The following CFTR variants were observed in gnomAD, a reference collection of about 807,000 sequenced individuals.
CFTR encodes cystic fibrosis transmembrane conductance regulator.
Under a neutral mutation model 171.6 loss-of-function variants are expected in CFTR, and 181 were observed. The observed-to-expected ratio is 1.05, with a 90% CI of 0.93 to 1.19. The LOEUF is 1.19. CFTR is among the 50% of genes most tolerant of loss of function. The pLI is 0.00. For missense variants in CFTR, 1,968 were observed against 1,734.7 expected (o/e 1.13, Z -2.39); for synonymous variants, 583 against 608.0 (o/e 0.96, Z 0.60).
At position 117,590,436 on chromosome 7, in the gene CFTR, A is replaced by C. The variant is rs397508297; in HGVS notation, c.1763A>C (p.Glu588Ala). The C allele has an allele frequency of 6.2e-7, 1 of 1,600,896 alleles. No homozygotes were observed. Among genetic ancestry groups the C allele is most frequent in the South Asian group, 1.1e-5 (1 of 90,860 alleles). ...GTTTTAACAGAAAAAGAAATATTTG[A>C]AAGGTATGTTCTTTGAATACCTTAC... ...LDVLTEKEIF[E>A]SCVCKLMANK... The change falls in exon 13 of 27, where the codon GAA (glutamate) becomes GCA (alanine). Residue 588 changes from glutamate to alanine, a missense_variant. By Grantham distance (107) the Glu-to-Ala change is moderately radical. Coordinates refer to ENST00000003084, the MANE Select transcript of CFTR (RefSeq NM_000492.4).
intron 1 of CFTR, among the ~76,000 whole-genome samples, chr7:117,495,300 G>A (rs1432300178): frequency 1.3e-5 from 2 of 152,100 alleles, no homozygotes; most frequent in Non-Finnish European, 2.9e-5. Context: ...CAAAATCCTG[G>A]AAAGGCACTC....
intron 11 of CFTR, among the ~76,000 whole-genome samples, chr7:117,575,926 G>A (rs1221826440): frequency 6.6e-6 from 1 of 151,932 alleles, no homozygotes; most frequent in Non-Finnish European, 1.5e-5. Context: ...AAATTTTTAT[G>A]TAGTCACTTT....
intron 11 of CFTR, among the ~76,000 whole-genome samples, chr7:117,584,494 T>G (rs1188427087): frequency 6.6e-6 from 1 of 152,194 alleles, no homozygotes; most frequent in Non-Finnish European, 1.5e-5. Flanking sequence ...GTATTTGGCT[T>G]TATTTCTGGG....
intron 3 of CFTR, among the ~76,000 whole-genome samples, chr7:117,523,157 G>C (rs997167055): frequency 1.3e-5 from 2 of 152,084 alleles, no homozygotes; most frequent in African/African-American, 4.8e-5. Flanking sequence ...GTTGAGGAAA[G>C]ATGACAACAA....
Position 117,610,572 on chromosome 7 carries a change from C to T in CFTR, c.3042C>T (p.Tyr1014=). ...AIAVVAVLQP[Y]IFVATVPVIV... ...CAGTTGTCGCAGTTTTACAACCCTA[C>T]ATCTTTGTTGCAACAGTGCCAGTGA... The change falls in exon 19 of 27, where the codon TAC becomes TAT. Residue 1014 remains tyrosine (Y), a synonymous_variant. Coordinates refer to ENST00000003084, the MANE Select transcript of CFTR (RefSeq NM_000492.4). 1 of 1,613,440 alleles carries T rather than the reference C, an allele frequency of 6.2e-7. No homozygotes were observed. The highest frequency in any genetic ancestry group is 8.5e-7 in the Non-Finnish European group (1 of 1,179,508).
chr7:117,650,655 G>A (rs1793075341), intron 23 of CFTR, among the ~76,000 whole-genome samples: 1 of 151,962 alleles, frequency 6.6e-6, no homozygotes, highest in Non-Finnish European at 1.5e-5. Context: ...TTGGATGTGT[G>A]AGTCTCCTTG....
chr7:117,524,901 G>C lies in CFTR; in HGVS notation c.274-5998G>C, dbSNP rs115459971. Among the ~76,000 whole-genome samples the C allele has an allele frequency of 4.2e-3, 634 of 152,296 alleles. 5 individuals are homozygous for C. The highest frequency in any genetic ancestry group is 0.015 in the African/African-American group (603 of 41,568). On this transcript the variant is annotated intron_variant, in intron 3 of 26. Coordinates refer to ENST00000003084, the MANE Select transcript of CFTR (RefSeq NM_000492.4). ...TTTTTAAAAAGTTGTAAAAAGCACA[G>C]TAGGATGTTATTTATATAAAATTTA...
chr7:117,587,786 T>G lies in CFTR; in HGVS notation c.1632T>G (p.Gly544=), dbSNP rs767846505. The change falls in exon 12 of 27, where the codon GGT becomes GGG. Residue 544 remains glycine, a synonymous_variant. Coordinates refer to ENST00000003084, the MANE Select transcript of CFTR (RefSeq NM_000492.4). ...AEKDNIVLGE[G]GITLSGGQRA... is the part of the protein sequence containing the mutation. ...AAGACAATATAGTTCTTGGAGAAGG[T>G]GGAATCACACTGAGTGGAGGTCAAC... The G allele has an allele frequency of 1.9e-6, 3 of 1,612,288 alleles. No homozygotes were observed. The highest frequency in any genetic ancestry group is 8.5e-7 in the Non-Finnish European group (1 of 1,178,538).
intron 12 of CFTR, among the ~76,000 whole-genome samples, chr7:117,588,226 A>G (rs1035813888): frequency 4.6e-5 from 7 of 152,098 alleles, no homozygotes; most frequent in Non-Finnish European, 1.0e-4. Context: ...ATAAACATAC[A>G]TTTTCAAAAT....
chr7:117,536,826 A>G (rs2116679070), intron 7 of CFTR, among the ~76,000 whole-genome samples, 153 bp downstream of exon 7: 1 of 152,314 alleles, frequency 6.6e-6, no homozygotes, highest in Non-Finnish European at 1.5e-5. Flanking sequence ...CATTAGTTGC[A>G]CAAATTCACT....
chr7:117,596,918 C>A (rs992518797), intron 15 of CFTR, among the ~76,000 whole-genome samples: 2 of 151,956 alleles, frequency 1.3e-5, no homozygotes, highest in East Asian at 1.9e-4. Context: ...AGGTGGAGAA[C>A]TTTTGTGTCT....
Position 117,664,848 on chromosome 7 carries a change from A to G in CFTR, c.4124A>G (p.His1375Arg), listed in dbSNP as rs397508678. 1 of 1,613,900 alleles carries G rather than the reference A, an allele frequency of 6.2e-7. No homozygotes were observed. Among genetic ancestry groups the G allele is most frequent in the Non-Finnish European group, 8.5e-7 (1 of 1,179,836 alleles). The change falls in exon 25 of 27, where the codon CAT (histidine) becomes CGT (arginine). Residue 1375 changes from histidine to arginine, a missense_variant. Transcript: ENST00000003084. The part of the protein sequence containing the change: ...KILLLDEPSA[H>R]LDPVTYQIIR... ...TTGCTGCTTGATGAACCCAGTGCTC[A>G]TTTGGATCCAGTGTGAGTTTCAGAT... is the stretch of plus-strand genomic sequence containing the variant.
At chr7:117,482,519 GA>G (rs1415602472) in intron 1 of CFTR, among the ~76,000 whole-genome samples, 1 of 151,994 alleles carries the variant, frequency 6.6e-6, no homozygotes, top group Non-Finnish European at 1.5e-5. Context: ...ATTTCACCAT[GA>G]AAAATTCAGG....
intron 1 of CFTR, among the ~76,000 whole-genome samples, chr7:117,496,696 T>A (rs967465022): frequency 1.3e-5 from 2 of 152,204 alleles, no homozygotes; most frequent in African/African-American, 4.8e-5. Flanking sequence ...TACCTACGAG[T>A]GTAATGGATG....
At chr7:117,655,566 G>A (rs558135715) in intron 24 of CFTR, among the ~76,000 whole-genome samples, 1 of 152,132 alleles carries the variant, frequency 6.6e-6, no homozygotes, top group South Asian at 2.1e-4. Context: ...CACCAGAATG[G>A]CCTTTAATTG....
At chr7:117,485,987 AG>A (rs1476099835) in intron 1 of CFTR, among the ~76,000 whole-genome samples, 5 of 152,176 alleles carry the variant, frequency 3.3e-5, no homozygotes, top group African/African-American at 9.7e-5. Context: ...ACAGTCCTGC[AG>A]TGCTGGCATC....
At chr7:117,534,408 A>T in intron 5 of CFTR, 43 bp downstream of exon 5, 1 of 1,074,204 alleles carries the variant, frequency 9.3e-7, no homozygotes, top group Non-Finnish European at 1.4e-6. Flanking sequence ...TATTGTTATA[A>T]ATTATACAAC....
intron 11 of CFTR, among the ~76,000 whole-genome samples, chr7:117,562,732 T>C (rs1341882946): frequency 1.3e-5 from 2 of 152,188 alleles, no homozygotes; most frequent in East Asian, 3.9e-4. Context: ...AGTGCTGAGC[T>C]AGAGGTACCC....
At chr7:117,526,044 C>T (rs1344592119) in intron 3 of CFTR, among the ~76,000 whole-genome samples, 4 of 149,824 alleles carry the variant, frequency 2.7e-5, no homozygotes, top group African/African-American at 7.5e-5. Context: ...CCAGGTTTAG[C>T]GCTTCCTTCA....
Sources: allele counts gnomAD v4.1 joint callset (sites outside exome capture counted in the v4.1 genomes callset), GRCh38; gene constraint gnomAD v4.1.1; transcripts MANE v1.5; gene names NCBI Gene and HGNC (gene_info 2026-07-23, HGNC 2026-07-21).